Variants in CTNNA3 observed in about 807,000 individuals in gnomAD.
The protein encoded by CTNNA3 is catenin alpha-3.
A neutral mutation model predicts 95.7 loss-of-function variants in CTNNA3; 76 were observed. That is an observed-to-expected ratio of 0.79 (90% CI 0.66 to 0.96). CTNNA3 has a LOEUF of 0.96. CTNNA3 is among the 40% of genes least tolerant of loss of function. The probability of loss-of-function intolerance (pLI) is 0.00; values close to 1 mark genes in which losing one functional copy is unlikely to be tolerated. For missense variants in CTNNA3, 1,191 were observed against 1,089.8 expected (o/e 1.09, Z -1.31); for synonymous variants, 431 against 374.4 (o/e 1.15, Z -1.74).
chr10:67,018,397 A>T (rs997529817), intron 7 of CTNNA3, among the ~76,000 whole-genome samples: 28 of 152,250 alleles, frequency 1.8e-4, no homozygotes, highest in African/African-American at 6.5e-4. Context: ...GCATATTCAA[A>T]TTGGTTATAA....
intron 1 of CTNNA3, among the ~76,000 whole-genome samples, chr10:67,727,786 AATAC>A (rs1309528598): frequency 3.1e-5 from 4 of 128,090 alleles, no homozygotes; most frequent in Non-Finnish European, 6.2e-5. Context: ...TAATATGTAA[AATAC>A]ATATATACAC....
chr10:66,536,135 A>AAG lies in CTNNA3; in HGVS notation c.1375-15363_1375-15362insCT, dbSNP rs1564518338. 3.8e-4 allele frequency among the ~76,000 whole-genome samples: 30 copies of AAG among 78,030 alleles called. No individual in the cohort carries two copies. In the South Asian group the frequency reaches 8.9e-3, roughly 23 times the overall value. 51.2% of individuals were successfully genotyped at this position (78,030 alleles called of 152,430 possible). On this transcript the variant is annotated intron_variant, in intron 10 of 17. Transcript: ENST00000433211. ...ATTCAGTACCAGGAGGTGAAACGAC[A>AAG]TGAGAGAGAGAGAGAGAGAGAGAGA...
chr10:66,399,976 T>C (rs2093007863), intron 11 of CTNNA3, among the ~76,000 whole-genome samples: 1 of 151,946 alleles, frequency 6.6e-6, no homozygotes, highest in South Asian at 2.1e-4. Context: ...AACTCCTAAA[T>C]ATAATAATAA....
At chr10:67,686,423 G>A (rs558987772) in intron 1 of CTNNA3, among the ~76,000 whole-genome samples, 18 of 152,334 alleles carry the variant, frequency 1.2e-4, no homozygotes, top group African/African-American at 4.3e-4. Context: ...ACTATAACCT[G>A]TTGGTAGCCA....
intron 17 of CTNNA3, among the ~76,000 whole-genome samples, chr10:65,954,735 C>CATTGGT (rs1564537609): frequency 6.6e-6 from 1 of 152,090 alleles, no homozygotes; most frequent in African/African-American, 2.4e-5. Flanking sequence ...TGTTCTGTTC[C>CATTGGT]ATTGGTCTAT....
chr10:66,059,511 AT>A (rs1297050253), intron 15 of CTNNA3, among the ~76,000 whole-genome samples: 1 of 152,090 alleles, frequency 6.6e-6, no homozygotes, highest in African/African-American at 2.4e-5. Flanking sequence ...TCAGAGATGA[AT>A]TTCTGCACCA....
intron 1 of CTNNA3, among the ~76,000 whole-genome samples, chr10:67,716,449 T>C (rs1841143763): frequency 6.6e-6 from 1 of 152,144 alleles, no homozygotes; most frequent in Admixed American, 6.5e-5. Flanking sequence ...ATTAGGTATT[T>C]CTCCTAATGC....
intron 10 of CTNNA3, among the ~76,000 whole-genome samples, chr10:66,614,334 G>A (rs1261182092): frequency 6.6e-6 from 1 of 151,986 alleles, no homozygotes; most frequent in African/African-American, 2.4e-5. Context: ...AGGTCATTGA[G>A]GTATAATCAT....
intron 11 of CTNNA3, among the ~76,000 whole-genome samples, chr10:66,433,611 G>A (rs1053032486): frequency 6.6e-6 from 1 of 152,104 alleles, no homozygotes; most frequent in Non-Finnish European, 1.5e-5. Flanking sequence ...TCCTCTGATG[G>A]TAGTTTCTTT....
chr10:66,788,905 G>T (rs1840855601), intron 7 of CTNNA3, among the ~76,000 whole-genome samples: 1 of 152,108 alleles, frequency 6.6e-6, no homozygotes, highest in Non-Finnish European at 1.5e-5. Flanking sequence ...TGAGAATCTA[G>T]ATTATACAAC....
chr10:67,517,461 C>A (rs1053623500), intron 5 of CTNNA3, among the ~76,000 whole-genome samples: 2 of 151,654 alleles, frequency 1.3e-5, no homozygotes, highest in African/African-American at 4.8e-5. Flanking sequence ...GTATTATGTA[C>A]CCTTCTGGCT....
chr10:67,344,082 C>T (rs1004288090), intron 5 of CTNNA3, among the ~76,000 whole-genome samples: 1 of 151,584 alleles, frequency 6.6e-6, no homozygotes, highest in African/African-American at 2.4e-5. Flanking sequence ...GCATCAATTT[C>T]AATTGAAATG....
At chr10:67,125,633 G>A (rs947029973) in intron 7 of CTNNA3, among the ~76,000 whole-genome samples, 1 of 152,134 alleles carries the variant, frequency 6.6e-6, no homozygotes, top group African/African-American at 2.4e-5. Flanking sequence ...GAAGAGAATA[G>A]AATCTACAGT....
At chr10:65,975,171 T>C (rs189613295) in intron 16 of CTNNA3, among the ~76,000 whole-genome samples, 2 of 152,274 alleles carry the variant, frequency 1.3e-5, no homozygotes, top group Admixed American at 1.3e-4. Flanking sequence ...TCAACTCTTC[T>C]GCAGAAATAC....
At chr10:67,549,343 G>A (rs958363514) in intron 3 of CTNNA3, among the ~76,000 whole-genome samples, 1 of 152,072 alleles carries the variant, frequency 6.6e-6, no homozygotes, top group Non-Finnish European at 1.5e-5. Flanking sequence ...AGAGGGTGTC[G>A]ATCTTGTTCA....
intron 9 of CTNNA3, among the ~76,000 whole-genome samples, chr10:66,717,259 C>G (rs1294301778): frequency 6.6e-6 from 1 of 152,066 alleles, no homozygotes; most frequent in Non-Finnish European, 1.5e-5. Context: ...TTGGAGGACC[C>G]CGACTGACAC....
chr10:66,437,577 A>G (rs1295963351), intron 11 of CTNNA3, among the ~76,000 whole-genome samples: 3 of 152,194 alleles, frequency 2.0e-5, no homozygotes, highest in Non-Finnish European at 4.4e-5. Flanking sequence ...TATTCCAGTT[A>G]GCAGTTCCTA....
chr10:65,973,938 G>T (rs1260559393), intron 16 of CTNNA3, among the ~76,000 whole-genome samples: 1 of 152,074 alleles, frequency 6.6e-6, no homozygotes, highest in African/African-American at 2.4e-5. Flanking sequence ...ATCAAAACAT[G>T]AATGGACACT....
intron 7 of CTNNA3, among the ~76,000 whole-genome samples, chr10:67,082,537 A>T (rs1857104511): frequency 6.6e-6 from 1 of 152,172 alleles, no homozygotes; most frequent in Admixed American, 6.5e-5. Flanking sequence ...AGAAGTTGAG[A>T]ATCACTTTCT....
Sources: allele counts gnomAD v4.1 joint callset (sites outside exome capture counted in the v4.1 genomes callset), GRCh38; gene constraint gnomAD v4.1.1; transcripts MANE v1.5; gene names NCBI Gene and HGNC (gene_info 2026-07-23, HGNC 2026-07-21).